XRCC2: variants seen among roughly 807,000 people sequenced by gnomAD.
The protein encoded by XRCC2 is DNA repair protein XRCC2.
XRCC2 carries 24 observed loss-of-function variants against 27.3 expected under a neutral mutation model. That is an observed-to-expected ratio of 0.88 (90% confidence interval 0.64 to 1.24). XRCC2 has a LOEUF of 1.24. XRCC2 is among the 50% of genes most tolerant of loss of function. XRCC2 has a pLI of 0.00. For synonymous variants in XRCC2, 106 were observed against 115.4 expected (o/e 0.92, Z 0.52); for missense variants, 321 against 325.8 (o/e 0.99, Z 0.11).
At chr7:152,662,453 A>G (rs1268676208) in intron 1 of XRCC2, among the ~76,000 whole-genome samples, 1 of 151,858 alleles carries the variant, frequency 6.6e-6, no homozygotes, top group Non-Finnish European at 1.5e-5. Context: ...CACAAGGGAG[A>G]CAAAACTGAT....
intron 2 of XRCC2, among the ~76,000 whole-genome samples, chr7:152,655,812 A>T (rs1381893064): frequency 1.4e-4 from 21 of 152,060 alleles, no homozygotes; most frequent in African/African-American, 4.8e-4. Context: ...GGAGTTCAAG[A>T]CCAGCCTGGC....
At chr7:152,653,887 C>G (rs1014443960) in intron 2 of XRCC2, among the ~76,000 whole-genome samples, 14 of 152,066 alleles carry the variant, frequency 9.2e-5, no homozygotes, top group African/African-American at 3.4e-4. Flanking sequence ...GTCCTACAGC[C>G]ACTAAAATTT....
intron 1 of XRCC2, among the ~76,000 whole-genome samples, chr7:152,672,446 CTG>C (rs2098038553): frequency 6.6e-6 from 1 of 152,182 alleles, no homozygotes; most frequent in African/African-American, 2.4e-5. Context: ...TATGCAGACA[CTG>C]TGTTTAGTTC....
chr7:152,659,308 G>GAGAAAC (rs1400563329), intron 2 of XRCC2, among the ~76,000 whole-genome samples: 9 of 152,274 alleles, frequency 5.9e-5, no homozygotes, highest in Admixed American at 5.9e-4. Flanking sequence ...AAACTCAGGA[G>GAGAAAC]AGAAACAGAC....
chr7:152,664,617 C>T (rs1292362758), intron 1 of XRCC2, among the ~76,000 whole-genome samples: 1 of 152,200 alleles, frequency 6.6e-6, no homozygotes, highest in Non-Finnish European at 1.5e-5. Flanking sequence ...GCTCTCCTGG[C>T]TCTCAGCCCT....
rs781776971 is a variant in XRCC2, at chr7:152,676,115, T to G, written c.-36A>C. 12 of 1,612,944 alleles carry G rather than the reference T, an allele frequency of 7.4e-6. No homozygotes were observed. Among genetic ancestry groups the G allele is most frequent in the Admixed American group, 6.7e-5 (4 of 59,982 alleles). On this transcript the variant is annotated 5_prime_UTR_variant, in exon 1 of 3. Coordinates refer to ENST00000359321, the MANE Select transcript of XRCC2 (RefSeq NM_005431.2). ...GCTCGGCGCAGGAGAGACTCAACTT[T>G]CCCGCCACCAACGCCATTCACCAAC...
intron 1 of XRCC2, among the ~76,000 whole-genome samples, chr7:152,665,568 C>T (rs922845012): frequency 2.8e-5 from 4 of 141,478 alleles, no homozygotes; most frequent in Non-Finnish European, 6.1e-5. Flanking sequence ...TGAGACTCAA[C>T]CTCCCAGGCT....
Position 152,646,851 on chromosome 7 carries a change from C to G in XRCC2, c.*1791G>C, listed in dbSNP as rs2098026180. The G allele has an allele frequency of 6.6e-6, 1 of 152,176 alleles. No homozygotes were observed. The highest frequency in any genetic ancestry group is 2.4e-5 in the African/African-American group (1 of 41,424). 9.4% of individuals were successfully genotyped at this position (152,176 alleles called of 1,614,324 possible). Reference sequence around the variant, plus strand: ...CACATTTTTTTAATCCAGTCTGTCACTGATGGGCAGTGCTGCAACGAACAT... The same window carrying G: ...CACATTTTTTTAATCCAGTCTGTCAGTGATGGGCAGTGCTGCAACGAACAT... On this transcript the variant is annotated 3_prime_UTR_variant, in exon 3 of 3. Coordinates refer to ENST00000359321, the MANE Select transcript of XRCC2 (RefSeq NM_005431.2).
chr7:152,666,432 G>A (rs544204927), intron 1 of XRCC2, among the ~76,000 whole-genome samples: 1 of 151,832 alleles, frequency 6.6e-6, no homozygotes, highest in African/African-American at 2.4e-5. Context: ...GGCTGGTCTC[G>A]AACTCCTGGA....
At chr7:152,661,472 G>A (rs1046917501) in intron 1 of XRCC2, among the ~76,000 whole-genome samples, 5 of 152,354 alleles carry the variant, frequency 3.3e-5, no homozygotes, top group South Asian at 2.1e-4. Context: ...AAAGGAGAAA[G>A]GTGGAGGAGA....
chr7:152,660,781 A>G lies in XRCC2; in HGVS notation c.41T>C (p.Leu14Pro), dbSNP rs757140620. The G allele has an allele frequency of 1.9e-6, 3 of 1,606,506 alleles. No homozygotes were observed. In the East Asian group the frequency reaches 6.7e-5, roughly 36 times the overall value. Residue 14 changes from leucine to proline, a missense_variant and splice_region_variant, in exon 2 of 3, where the codon CTC (leucine) becomes CCC (proline). Coordinates refer to ENST00000359321, the MANE Select transcript of XRCC2 (RefSeq NM_005431.2). ...ACTTCTACCTTCAAGTCGGGCAAGGAGCTTATAAAAGAAGAGAGAAGGAAA... is the reference window on the plus strand; with the variant it reads ...ACTTCTACCTTCAAGTCGGGCAAGGGGCTTATAAAAGAAGAGAGAAGGAAA... ...AFHRAESGTE[L>P]LARLEGRSSL...
At chr7:152,654,197 CAAAAA>C (rs11411109) in intron 2 of XRCC2, among the ~76,000 whole-genome samples, 2 of 92,216 alleles carry the variant, frequency 2.2e-5, no homozygotes, top group African/African-American at 4.6e-5. Flanking sequence ...AACTCCATCT[CAAAAA>C]AAAAAAAAAA....
intron 1 of XRCC2, among the ~76,000 whole-genome samples, chr7:152,675,515 C>G (rs2283101): frequency 0.073 from 11,120 of 152,066 alleles, 655 homozygotes; most frequent in Admixed American, 0.2. Flanking sequence ...CTGGAGCTAC[C>G]TGGGCTGGAA....
At chr7:152,671,275 A>C (rs945885969) in intron 1 of XRCC2, among the ~76,000 whole-genome samples, 6 of 152,170 alleles carry the variant, frequency 3.9e-5, no homozygotes, top group African/African-American at 1.4e-4. Flanking sequence ...AAAGCGTAAG[A>C]ATAGTACAGT....
chr7:152,660,164 G>C (rs917574675), intron 2 of XRCC2, among the ~76,000 whole-genome samples: 2 of 152,026 alleles, frequency 1.3e-5, no homozygotes, highest in Admixed American at 6.5e-5. Flanking sequence ...ATGATTACTA[G>C]AAATGAGCTT....
chr7:152,649,667 C>T (rs1021354588), intron 2 of XRCC2, among the ~76,000 whole-genome samples: 6 of 152,200 alleles, frequency 3.9e-5, no homozygotes, highest in Non-Finnish European at 8.8e-5. Flanking sequence ...CTGATGACTA[C>T]AGTACACACC....
rs1458217705 is a variant in XRCC2 at position 152,645,141 on chromosome 7, T to C, written c.*3501A>G. 6.6e-6 allele frequency: 1 copy of C among 152,144 alleles called. No individual in the cohort carries two copies. Among genetic ancestry groups the C allele is most frequent in the Non-Finnish European group, 1.5e-5 (1 of 68,022 alleles). 9.4% of individuals were successfully genotyped at this position (152,144 alleles called of 1,614,324 possible). ...TCTAAATGGGAAAAGGGTTAAACTC[T>C]GCTTCTTACAATAAAGCTTTGTAAT... is the stretch of plus-strand genomic sequence containing the variant. On this transcript the variant is annotated 3_prime_UTR_variant, in exon 3 of 3. Coordinates refer to ENST00000359321, the MANE Select transcript of XRCC2 (RefSeq NM_005431.2).
intron 2 of XRCC2, among the ~76,000 whole-genome samples, chr7:152,657,234 T>TAA (rs79757667): frequency 0.048 from 6,657 of 138,402 alleles, 371 homozygotes; most frequent in East Asian, 0.17. Context: ...AGACTCCATC[T>TAA]AAAAAAAAAA....
At chr7:152,662,622 GAGTGC>G (rs2098033628) in intron 1 of XRCC2, among the ~76,000 whole-genome samples, 1 of 134,474 alleles carries the variant, frequency 7.4e-6, no homozygotes, top group Admixed American at 8.2e-5. Flanking sequence ...GCCCAGGCTG[GAGTGC>G]AGTGGCGGGA....
Sources: gnomAD v4.1 joint callset for allele counts (sites outside exome capture counted in the v4.1 genomes callset) on GRCh38, gnomAD v4.1.1 for gene constraint, MANE v1.5 for transcripts, NCBI Gene and HGNC (gene_info 2026-07-23, HGNC 2026-07-21) for gene names.